The following CDH18 variants were observed in gnomAD, a reference collection of about 807,000 sequenced individuals.
CDH18 encodes cadherin-18.
In CDH18, 31 loss-of-function variants were observed where a neutral mutation model predicts 67.9. The observed-to-expected ratio is 0.46, with a 90% CI of 0.34 to 0.62. CDH18 has a LOEUF of 0.62. CDH18 is among the 20% of genes least tolerant of loss of function. CDH18 has a pLI of 0.01. For missense variants in CDH18, 890 were observed against 975.5 expected, an observed-to-expected ratio of 0.91 and a Z score of 1.17; for synonymous variants, 362 against 347.2, an observed-to-expected ratio of 1.04 and a Z score of -0.48.
At chr5:20,463,041 T>A (rs1422324316) in intron 1 of CDH18, among the ~76,000 whole-genome samples, 5 of 152,110 alleles carry the variant, frequency 3.3e-5, no homozygotes, top group African/African-American at 4.8e-5. Flanking sequence ...TGTTCGAACA[T>A]GGCTAAATAT....
At chr5:19,562,577 C>T (rs932397735) in intron 8 of CDH18, among the ~76,000 whole-genome samples, 1 of 152,094 alleles carries the variant, frequency 6.6e-6, no homozygotes, top group Non-Finnish European at 1.5e-5. Context: ...TACTTTGCAT[C>T]CATTTCTTTA....
At chr5:20,304,026 C>T (rs906898522) in intron 1 of CDH18, 13 of 1,434,194 alleles carry the variant, frequency 9.1e-6, no homozygotes, top group South Asian at 1.1e-5. Flanking sequence ...GCAATAATTC[C>T]GCAGCCGACT....
At chr5:19,938,269 A>C (rs1794482940) in intron 2 of CDH18, among the ~76,000 whole-genome samples, 1 of 151,140 alleles carries the variant, frequency 6.6e-6, no homozygotes. Flanking sequence ...TGGGTTATGG[A>C]AAACTTACTC....
At chr5:20,218,536 G>GTGTGTCCCCAA (rs1380381596) in intron 2 of CDH18, among the ~76,000 whole-genome samples, 1 of 151,974 alleles carries the variant, frequency 6.6e-6, no homozygotes, top group Admixed American at 6.6e-5. Flanking sequence ...TGCTTTTGCT[G>GTGTGTCCCCAA]TGTGTCCCCA....
At chr5:19,797,723 G>T (rs1777006367) in intron 3 of CDH18, among the ~76,000 whole-genome samples, 1 of 151,912 alleles carries the variant, frequency 6.6e-6, no homozygotes, top group African/African-American at 2.4e-5. Context: ...TTATTAACTG[G>T]GAGACACAAC....
At chr5:19,981,886 C>T (rs1456969918) in intron 1 of CDH18, among the ~76,000 whole-genome samples, 1 of 152,148 alleles carries the variant, frequency 6.6e-6, no homozygotes, top group Non-Finnish European at 1.5e-5. Flanking sequence ...CCATCTATCT[C>T]TTGACAATTT....
chr5:19,511,310 T>TAGC (rs35509966), intron 10 of CDH18, among the ~76,000 whole-genome samples: 32,162 of 151,940 alleles, frequency 0.21, 3,660 homozygotes, highest in African/African-American at 0.27. Context: ...CAGTTCTTAA[T>TAGC]AGTATGAAAA....
At chr5:20,428,594 C>T (rs1009725378) in intron 1 of CDH18, among the ~76,000 whole-genome samples, 6 of 152,168 alleles carry the variant, frequency 3.9e-5, no homozygotes, top group Non-Finnish European at 5.9e-5. Flanking sequence ...TCCACATCCT[C>T]GCCAGCATCT....
intron 6 of CDH18, among the ~76,000 whole-genome samples, chr5:19,604,562 C>G (rs1747723221): frequency 1.3e-5 from 2 of 151,308 alleles, no homozygotes; most frequent in Admixed American, 1.3e-4. Flanking sequence ...CACACACACA[C>G]ACACACACAC....
intron 1 of CDH18, among the ~76,000 whole-genome samples, chr5:20,560,929 TAACA>T (rs1489671701): frequency 1.3e-5 from 2 of 151,758 alleles, no homozygotes; most frequent in African/African-American, 4.8e-5. Flanking sequence ...GTAAGAAAAT[TAACA>T]AACTAAAAAA....
intron 5 of CDH18, among the ~76,000 whole-genome samples, chr5:19,616,898 C>A (rs1264224502): frequency 1.3e-5 from 2 of 152,246 alleles, no homozygotes; most frequent in Non-Finnish European, 2.9e-5. Context: ...TTCTTCTTTG[C>A]AAGCACTGAG....
chr5:20,206,848 T>G (rs1013334344), intron 2 of CDH18, among the ~76,000 whole-genome samples: 1 of 151,938 alleles, frequency 6.6e-6, no homozygotes, highest in African/African-American at 2.4e-5. Flanking sequence ...GGAGTATATC[T>G]CAAAATAATA....
At chr5:20,374,560 T>G (rs1169186502) in intron 1 of CDH18, among the ~76,000 whole-genome samples, 1 of 152,310 alleles carries the variant, frequency 6.6e-6, no homozygotes, top group African/African-American at 2.4e-5. Context: ...TACAGTAGAA[T>G]CACTGAAGAC....
chr5:19,781,228 C>A (rs1049828850), intron 3 of CDH18, among the ~76,000 whole-genome samples: 4 of 151,648 alleles, frequency 2.6e-5, no homozygotes, highest in Admixed American at 6.6e-5. Context: ...AAGAAAAAAA[C>A]AGCAAATTAT....
At chr5:20,451,947 G>A (rs1042463977) in intron 1 of CDH18, among the ~76,000 whole-genome samples, 22 of 152,214 alleles carry the variant, frequency 1.4e-4, no homozygotes, top group Middle Eastern at 3.4e-3. Context: ...AGAGCTACTC[G>A]TCTTCCCATA....
chr5:20,501,433 A>T (rs1450336045), intron 1 of CDH18, among the ~76,000 whole-genome samples: 1 of 124,750 alleles, frequency 8.0e-6, no homozygotes, highest in Non-Finnish European at 1.7e-5. Flanking sequence ...TTATATATAT[A>T]TTTTATATAC....
Position 20,374,984 on chromosome 5 carries a change from G to T in CDH18, c.-579-119479C>A, listed in dbSNP as rs146832026. On this transcript the variant is annotated intron_variant, in intron 1 of 14. Coordinates refer to the CDH18 transcript ENST00000507958. ...CATTAGCCTGGCACACTTGCAATGT[G>T]GCTTGTGAAAATGAAGCATTTATTT... is the stretch of plus-strand genomic sequence containing the variant. 8.0e-3 allele frequency among the ~76,000 whole-genome samples: 1,210 copies of T among 152,082 alleles called. 13 individuals carry two copies. Among genetic ancestry groups the T allele is most frequent in the Non-Finnish European group, 0.013 (910 of 67,954 alleles).
intron 5 of CDH18, among the ~76,000 whole-genome samples, chr5:19,680,301 T>G (rs1216773124): frequency 1.3e-5 from 2 of 152,048 alleles, no homozygotes; most frequent in African/African-American, 4.8e-5. Flanking sequence ...TACTTAAATG[T>G]AAAACCTAAA....
At chr5:20,460,731 G>A (rs989001096) in intron 1 of CDH18, among the ~76,000 whole-genome samples, 28 of 152,072 alleles carry the variant, frequency 1.8e-4, no homozygotes, top group African/African-American at 4.1e-4. Flanking sequence ...CTTATTTCTT[G>A]TATCAAATAA....
Sources: allele counts gnomAD v4.1 joint callset (sites outside exome capture counted in the v4.1 genomes callset), GRCh38; gene constraint gnomAD v4.1.1; transcripts MANE v1.5; gene names NCBI Gene and HGNC (gene_info 2026-07-23, HGNC 2026-07-21).